The following KDM4C variants were observed in gnomAD, a reference collection of about 807,000 sequenced individuals.
KDM4C encodes the protein lysine demethylase 4C, also known as lysine-specific demethylase 4C.
A neutral mutation model predicts 129.3 loss-of-function variants in KDM4C; 81 were observed. The ratio of observed to expected loss-of-function variants is 0.63; its 90% CI spans 0.52 to 0.75. The LOEUF is 0.75. Ranked by LOEUF, KDM4C falls within the 30% of genes least tolerant of loss-of-function variation. The pLI is 0.00. For synonymous variants in KDM4C, 573 were observed against 456.1 expected (o/e 1.26, Z -3.26); for missense variants, 1,457 against 1,304.0 (o/e 1.12, Z -1.81).
In KDM4C at chr9:6,782,026, T is replaced by C. The variant is rs150156551; in HGVS notation, c.-17-10946T>C. Among the ~76,000 whole-genome samples, 1,090 of 152,154 alleles carry C rather than the reference T, an allele frequency of 7.2e-3. 15 individuals carry two copies. The highest frequency in any genetic ancestry group is 0.023 in the African/African-American group (959 of 41,504). ...TTTTAGTAGAGACAGGGTTTCACCA[T>C]GTTGGCCCGGCTGGTCTCGAACTCC... On this transcript the variant is annotated intron_variant, in intron 1 of 21. Transcript: ENST00000381309.
chr9:7,010,322 C>A (rs1822463027), intron 12 of KDM4C, among the ~76,000 whole-genome samples: 1 of 152,118 alleles, frequency 6.6e-6, no homozygotes, highest in African/African-American at 2.4e-5. Context: ...CAACAACAAC[C>A]ATGATAACGT....
chr9:7,139,206 C>T (rs1841505901), intron 19 of KDM4C, among the ~76,000 whole-genome samples: 1 of 152,046 alleles, frequency 6.6e-6, no homozygotes, highest in South Asian at 2.1e-4. Context: ...GCCTGGGAGG[C>T]CGAGGTTGCA....
rs1183552985 is a variant in KDM4C at position 6,927,274 on chromosome 9, C to T, written c.921+34042C>T. ...CCTCCTGAGTAGTTGGGATTACAGG[C>T]GCATGCCACCAAGCCTAGCTAATTT... On this transcript the variant is annotated intron_variant, in intron 8 of 21. Coordinates refer to ENST00000381309, the MANE Select transcript of KDM4C (RefSeq NM_015061.6). Among the ~76,000 whole-genome samples, 8 of 152,014 alleles carry T rather than the reference C, an allele frequency of 5.3e-5. No homozygotes were observed. The South Asian group carries it at 1.7e-3, about 32-fold the overall frequency.
chr9:6,921,259 C>A (rs1589116989), intron 8 of KDM4C, among the ~76,000 whole-genome samples: 1 of 152,282 alleles, frequency 6.6e-6, no homozygotes, highest in East Asian at 1.9e-4. Context: ...AAATTTGTAT[C>A]TTTAGCCTGG....
At chr9:6,834,806 A>T in intron 4 of KDM4C, 1 of 1,369,480 alleles carries the variant, frequency 7.3e-7, no homozygotes, top group East Asian at 2.3e-5. Context: ...CAGCCGCGAG[A>T]AGATGACCCA....
intron 5 of KDM4C, among the ~76,000 whole-genome samples, chr9:6,855,458 CAAAAAAAAAAAAAAAA>C (rs34177301): frequency 2.9e-5 from 2 of 70,088 alleles, no homozygotes; most frequent in East Asian, 7.2e-4. Flanking sequence ...GACTCCGTCT[CAAAAAAAAAAAAAAAA>C]AAAAAAAAAA....
intron 5 of KDM4C, among the ~76,000 whole-genome samples, chr9:6,874,413 C>G (rs1843264082): frequency 6.6e-6 from 1 of 152,188 alleles, no homozygotes. Context: ...ATCATTTGCT[C>G]TCATTCAGGG....
At position 6,799,095 on chromosome 9, in the gene KDM4C, A is replaced by T. The variant is rs575807715; in HGVS notation, c.144+5963A>T. On this transcript the variant is annotated intron_variant, in intron 2 of 21. Transcript: ENST00000381309. ...CACTTTCCAGACTGGGCATCCAGGC[A>T]GAGGGGCTCCTCACGTCCCAGACGA... Among the ~76,000 whole-genome samples, 20 of 150,038 alleles carry T rather than the reference A, an allele frequency of 1.3e-4. No individual in the cohort carries two copies. The South Asian group carries it at 4.0e-3, about 30-fold the overall frequency.
At chr9:7,022,637 C>CTTTTTTTTTTTTTTTTT in intron 15 of KDM4C, among the ~76,000 whole-genome samples, 1 of 133,960 alleles carries the variant, frequency 7.5e-6, no homozygotes, top group Non-Finnish European at 1.6e-5. Context: ...CCCTTTATTT[C>CTTTTTTTTTTTTTTTTT]TTTTTTTTTT....
intron 1 of KDM4C, among the ~76,000 whole-genome samples, chr9:6,790,598 C>G (rs537023324): frequency 7.1e-6 from 1 of 141,702 alleles, no homozygotes; most frequent in African/African-American, 2.6e-5. Flanking sequence ...ACGTTTCACC[C>G]TTTTATCTGC....
chr9:6,819,862 G>C (rs1425940722), intron 4 of KDM4C, among the ~76,000 whole-genome samples: 2 of 152,144 alleles, frequency 1.3e-5, no homozygotes, highest in African/African-American at 4.8e-5. Context: ...CTTTAGTTCA[G>C]TATTTAAATT....
chr9:6,798,922 C>G (rs1240763345), intron 2 of KDM4C, among the ~76,000 whole-genome samples: 1 of 151,094 alleles, frequency 6.6e-6, no homozygotes, highest in Non-Finnish European at 1.5e-5. Flanking sequence ...ACCTCCCAGA[C>G]GGGGTCGCGG....
intron 17 of KDM4C, among the ~76,000 whole-genome samples, chr9:7,052,396 A>G (rs1471547009): frequency 6.6e-6 from 1 of 152,254 alleles, no homozygotes; most frequent in East Asian, 1.9e-4. Context: ...GAAATGAATA[A>G]AAGGCAGCAA....
intron 8 of KDM4C, among the ~76,000 whole-genome samples, chr9:6,970,806 A>G (rs818898): frequency 0.77 from 92,854 of 121,064 alleles, 34,292 homozygotes; most frequent in East Asian, 1. Context: ...CCCCGCCCCT[A>G]ACCCCCACCC....
chr9:6,989,295 G>A (rs1036547773), intron 11 of KDM4C, among the ~76,000 whole-genome samples: 7 of 152,050 alleles, frequency 4.6e-5, no homozygotes, highest in African/African-American at 1.7e-4. Flanking sequence ...TCAGCTTACC[G>A]GGAAGAAGAC....
intron 8 of KDM4C, among the ~76,000 whole-genome samples, chr9:6,923,448 A>T (rs534896990): frequency 6.6e-6 from 1 of 152,198 alleles, no homozygotes; most frequent in Non-Finnish European, 1.5e-5. Context: ...TAAGATTAAT[A>T]TGAATGTGCA....
chr9:6,811,067 C>G (rs79628303), intron 3 of KDM4C, among the ~76,000 whole-genome samples: 5,271 of 152,248 alleles, frequency 0.035, 131 homozygotes, highest in Non-Finnish European at 0.051. Context: ...TCTTACTTGT[C>G]AACACAGAGC....
chr9:7,009,744 T>C (rs1240411889), intron 12 of KDM4C, among the ~76,000 whole-genome samples: 1 of 152,182 alleles, frequency 6.6e-6, no homozygotes, highest in African/African-American at 2.4e-5. Context: ...TCCCCTGGAG[T>C]TCACAGATCA....
At position 6,964,798 on chromosome 9, in the gene KDM4C, A is replaced by AAAC. The variant is rs1166089447; in HGVS notation, c.922-16125_922-16124insCAA. Among the ~76,000 whole-genome samples the AAAC allele has an allele frequency of 9.7e-4, 145 of 149,936 alleles. 5 individuals are homozygous for AAAC. Among genetic ancestry groups the AAAC allele is most frequent in the African/African-American group, 2.9e-3 (119 of 40,740 alleles). ...CTCCGTCTCAAAAAAAAAAAAAAAAAAAACCACAGACTGGGCGCAGTAGCA... is the reference window on the plus strand; with the variant it reads ...CTCCGTCTCAAAAAAAAAAAAAAAAAAACAAACCACAGACTGGGCGCAGTAGCA... On this transcript the variant is annotated intron_variant, in intron 8 of 21. Transcript: ENST00000381309.
Sources: allele counts gnomAD v4.1 joint callset (sites outside exome capture counted in the v4.1 genomes callset), GRCh38; gene constraint gnomAD v4.1.1; transcripts MANE v1.5; gene names NCBI Gene and HGNC (gene_info 2026-07-23, HGNC 2026-07-21).